Variants in FLI1 observed in about 807,000 individuals in gnomAD.
The protein encoded by FLI1 is Fli-1 proto-oncogene, ETS transcription factor.
In FLI1, 13 loss-of-function variants were observed where a neutral mutation model predicts 53.1. The ratio of observed to expected loss-of-function variants is 0.24; its 90% confidence interval spans 0.16 to 0.39. The LOEUF is 0.39. Ranked by LOEUF, FLI1 falls within the 10% of genes least tolerant of loss-of-function variation. The pLI is 1.00. For missense variants in FLI1, 424 were observed against 600.5 expected, an observed-to-expected ratio of 0.71 and a Z score of 3.07; for synonymous variants, 244 against 236.7, an observed-to-expected ratio of 1.03 and a Z score of -0.28.
intron 5 of FLI1, among the ~76,000 whole-genome samples, chr11:128,797,478 C>A (rs776404790): frequency 6.6e-6 from 1 of 152,206 alleles, no homozygotes; most frequent in Non-Finnish European, 1.5e-5. Flanking sequence ...AGTCTTTGCT[C>A]AAATTCTATA....
chr11:128,736,931 G>C (rs1455861488), intron 1 of FLI1, among the ~76,000 whole-genome samples: 1 of 152,046 alleles, frequency 6.6e-6, no homozygotes, highest in Non-Finnish European at 1.5e-5. Flanking sequence ...TACAGCCCCT[G>C]GTTTGCATTC....
chr11:128,697,073 T>C (rs1247544549), intron 1 of FLI1, among the ~76,000 whole-genome samples: 1 of 152,164 alleles, frequency 6.6e-6, no homozygotes, highest in Non-Finnish European at 1.5e-5. Context: ...CGCTACTCTT[T>C]TGTCACAGAC....
At chr11:128,737,054 T>A (rs1248331096) in intron 1 of FLI1, among the ~76,000 whole-genome samples, 1 of 152,244 alleles carries the variant, frequency 6.6e-6, no homozygotes, top group African/African-American at 2.4e-5. Flanking sequence ...AATATGGATA[T>A]CTTTCAGTGC....
At chr11:128,728,065 G>A (rs1000277206) in intron 1 of FLI1, among the ~76,000 whole-genome samples, 4 of 152,200 alleles carry the variant, frequency 2.6e-5, no homozygotes, top group African/African-American at 2.4e-5. Flanking sequence ...AACACAAAAC[G>A]TGGCCCTCTC....
At chr11:128,736,251 AATC>A (rs1392094702) in intron 1 of FLI1, among the ~76,000 whole-genome samples, 1 of 151,228 alleles carries the variant, frequency 6.6e-6, no homozygotes, top group East Asian at 1.9e-4. Context: ...TATGCAGAGC[AATC>A]AGACATCATT....
At chr11:128,752,241 G>T (rs1032416198) in intron 1 of FLI1, among the ~76,000 whole-genome samples, 1 of 152,148 alleles carries the variant, frequency 6.6e-6, no homozygotes, top group Admixed American at 6.5e-5. Flanking sequence ...CTTCCAAAAT[G>T]CTGGGATTAC....
chr11:128,719,970 A>G (rs1939188531), intron 1 of FLI1, among the ~76,000 whole-genome samples: 1 of 152,236 alleles, frequency 6.6e-6, no homozygotes, highest in Non-Finnish European at 1.5e-5. Context: ...GTTCTTTAAA[A>G]TAATGATTGC....
intron 5 of FLI1, among the ~76,000 whole-genome samples, chr11:128,787,129 C>T (rs538708876): frequency 6.6e-6 from 1 of 152,158 alleles, no homozygotes; most frequent in Non-Finnish European, 1.5e-5. Flanking sequence ...CCCATGTTAA[C>T]GAGAGGCTGG....
At chr11:128,692,286 A>T (rs1308267992), upstream of FLI1, among the ~76,000 whole-genome samples, 5 of 151,528 alleles carry the variant, frequency 3.3e-5, no homozygotes, top group African/African-American at 1.2e-4. Flanking sequence ...TTTTAATTGA[A>T]CTCCAGAACT....
chr11:128,737,925 T>C (rs926407818), intron 1 of FLI1, among the ~76,000 whole-genome samples: 2 of 152,218 alleles, frequency 1.3e-5, no homozygotes, highest in Admixed American at 6.5e-5. Context: ...GTTATCTCTA[T>C]GGACTTAAAT....
At position 128,810,381 on chromosome 11, in the gene FLI1, C is replaced by G. The variant is rs116979317; in HGVS notation, c.830-78C>G. 5.2e-3 allele frequency: 7,269 copies of G among 1,388,180 alleles called. 50 individuals are homozygous for G. The highest frequency in any genetic ancestry group is 0.033 in the Middle Eastern group (170 of 5,200). The allele number at this position is 1,388,180 out of a possible 1,614,324, so 86.0% of individuals were successfully genotyped here. A position where few individuals can be genotyped will look rare whatever the true frequency, so the allele number is the denominator to read the frequency against. On this transcript the variant is annotated intron_variant, in intron 8 of 8. Transcript: ENST00000527786. This position sits in a 1 kb window ranked among gnomAD's most constrained non-coding sequence, Gnocchi z 6.6. ...GTTTCTTTAAAAGGATGAGAAGCTC[C>G]CTGCATTTAGGGAACTGGGTTCTGC...
In FLI1 at chr11:128,794,481, G is replaced by C. The variant is rs750348838; in HGVS notation, c.656-10885G>C. On this transcript the variant is annotated intron_variant, in intron 5 of 8. Transcript: ENST00000527786. ...CATCTATCTGGAGAGAGAGAGAGAC[G>C]GAGAAGCTTCTTTTGTGCCAGACAG... 2.6e-5 allele frequency among the ~76,000 whole-genome samples: 4 copies of C among 152,054 alleles called. No individual in the cohort carries two copies. The East Asian group carries it at 5.8e-4, about 22-fold the overall frequency.
intron 5 of FLI1, among the ~76,000 whole-genome samples, chr11:128,798,576 C>T (rs1183507620): frequency 6.6e-6 from 1 of 152,152 alleles, no homozygotes. Context: ...GCAGGGTCAG[C>T]TCCGAGGCAG....
chr11:128,760,156 G>T (rs1280355129), intron 2 of FLI1, among the ~76,000 whole-genome samples: 1 of 152,216 alleles, frequency 6.6e-6, no homozygotes, highest in Non-Finnish European at 1.5e-5. Context: ...AGGACATGGT[G>T]TGTTGAACGT....
chr11:128,790,593 G>T (rs1038531102), intron 5 of FLI1, among the ~76,000 whole-genome samples: 1 of 152,170 alleles, frequency 6.6e-6, no homozygotes, highest in Admixed American at 6.5e-5. Context: ...TATTGCACAC[G>T]TGTGGCTCAC....
intron 1 of FLI1, among the ~76,000 whole-genome samples, chr11:128,718,358 C>T (rs868519057): frequency 6.6e-6 from 1 of 152,222 alleles, no homozygotes; most frequent in South Asian, 2.1e-4. Context: ...TTAGTTTCCT[C>T]ATCTGCAACA....
intron 5 of FLI1, among the ~76,000 whole-genome samples, chr11:128,789,316 C>T (rs543612786): frequency 9.9e-5 from 15 of 152,156 alleles, no homozygotes; most frequent in African/African-American, 2.4e-4. Flanking sequence ...CCTGGAAAAC[C>T]GGGTGCAGTT....
chr11:128,805,184 C>T (rs1942744104), intron 5 of FLI1, 182 bp from the exon 6 acceptor site: 1 of 478,080 alleles, frequency 2.1e-6, no homozygotes, highest in Non-Finnish European at 3.7e-6. Context: ...CTACAATCTT[C>T]TGAAAGTCAG....
intron 5 of FLI1, among the ~76,000 whole-genome samples, chr11:128,798,540 A>G (rs1942512845): frequency 6.6e-6 from 1 of 152,148 alleles, no homozygotes; most frequent in South Asian, 2.1e-4. Context: ...AATATCTTCA[A>G]CAGTACCTCC....
Sources: allele counts gnomAD v4.1 joint callset (sites outside exome capture counted in the v4.1 genomes callset), GRCh38; gene constraint gnomAD v4.1.1; non-coding constraint Gnocchi (gnomAD v3.1); transcripts MANE v1.5; gene names NCBI Gene and HGNC (gene_info 2026-07-23, HGNC 2026-07-21).